CUX1: variants seen among roughly 807,000 people sequenced by gnomAD.
CUX1 encodes protein CASP.
A neutral mutation model predicts 158.8 loss-of-function variants in CUX1; 31 were observed. The observed-to-expected ratio is 0.20, with a 90% confidence interval of 0.15 to 0.26. The LOEUF is 0.26. CUX1 is among the 10% of genes least tolerant of loss of function. The pLI, the probability that CUX1 is intolerant of heterozygous loss-of-function variation, is 1.00. For synonymous variants in CUX1, 879 were observed against 862.1 expected (o/e 1.02, Z -0.34); for missense variants, 1,589 against 2,014.6 (o/e 0.79, Z 4.04).
chr7:102,191,391 C>G (rs1169000217), intron 12 of CUX1, among the ~76,000 whole-genome samples: 1 of 152,086 alleles, frequency 6.6e-6, no homozygotes, highest in Non-Finnish European at 1.5e-5. Flanking sequence ...GAGCCACCAC[C>G]CCGGGCTAAT....
intron 4 of CUX1, among the ~76,000 whole-genome samples, chr7:102,077,823 C>T (rs1352147194): frequency 8.6e-5 from 13 of 151,058 alleles, no homozygotes; most frequent in Admixed American, 4.6e-4. Flanking sequence ...ATGCATAATT[C>T]GTCAGTAATT....
chr7:102,022,663 A>G (rs1230060874), intron 2 of CUX1, among the ~76,000 whole-genome samples: 1 of 152,104 alleles, frequency 6.6e-6, no homozygotes, highest in African/African-American at 2.4e-5. Context: ...ATCCTTCCAC[A>G]TAGAAACCTC....
intron 20 of CUX1, among the ~76,000 whole-genome samples, chr7:102,226,568 GGTCCTGAGACCCA>G (rs1554528655): frequency 1.3e-5 from 2 of 152,148 alleles, no homozygotes; most frequent in Non-Finnish European, 2.9e-5. Context: ...AACCAACCTA[GGTCCTGAGACCCA>G]GTGCTGGAGG....
At chr7:101,834,165 C>CCT (rs1794367060) in intron 1 of CUX1, among the ~76,000 whole-genome samples, 1 of 71,092 alleles carries the variant, frequency 1.4e-5, no homozygotes, top group African/African-American at 5.8e-5. Context: ...CTGATTGTTT[C>CCT]TTTTTTTTTT....
chr7:101,869,642 G>A lies in CUX1; in HGVS notation c.31-46473G>A, dbSNP rs112982901. ...GCCAGCAGGGCGGGAGGAGGCGTTGGTGTGCACACGCGGGGAGCCTCCGTG... is the reference window on the plus strand; with the variant it reads ...GCCAGCAGGGCGGGAGGAGGCGTTGATGTGCACACGCGGGGAGCCTCCGTG... On this transcript the variant is annotated intron_variant, in intron 1 of 23. Transcript: ENST00000292535. The surrounding 1 kb of genome is among the most constrained non-coding windows in gnomAD (Gnocchi z 4.5). Among the ~76,000 whole-genome samples the A allele has an allele frequency of 3.3e-5, 5 of 152,242 alleles. No homozygotes were observed. The highest frequency in any genetic ancestry group is 9.6e-5 in the African/African-American group (4 of 41,540).
chr7:101,926,302 C>G (rs1455737762), intron 2 of CUX1, among the ~76,000 whole-genome samples: 1 of 152,070 alleles, frequency 6.6e-6, no homozygotes, highest in Non-Finnish European at 1.5e-5. Flanking sequence ...TTTATCAACC[C>G]AAGACATTAT....
intron 2 of CUX1, among the ~76,000 whole-genome samples, chr7:102,013,790 G>A (rs1039105141): frequency 6.6e-6 from 1 of 151,982 alleles, no homozygotes; most frequent in East Asian, 1.9e-4. Flanking sequence ...CTGCACCCTC[G>A]ACCTCTCTGG....
At chr7:102,158,393 A>C (rs1790025171) in intron 8 of CUX1, among the ~76,000 whole-genome samples, 167 bp from the exon 9 acceptor site, 1 of 152,098 alleles carries the variant, frequency 6.6e-6, no homozygotes, top group Admixed American at 6.6e-5. Context: ...TGGCATCAGC[A>C]AGCACATCTC....
chr7:101,909,466 C>T (rs1365952301), intron 1 of CUX1, among the ~76,000 whole-genome samples: 1 of 152,254 alleles, frequency 6.6e-6, no homozygotes, highest in Non-Finnish European at 1.5e-5. Context: ...AGCCAGAGAA[C>T]CCTCCATTCA....
At chr7:102,209,910 G>C (rs142745512) in intron 20 of CUX1, among the ~76,000 whole-genome samples, 1 of 151,910 alleles carries the variant, frequency 6.6e-6, no homozygotes, top group Non-Finnish European at 1.5e-5. Context: ...ATAGACAGAC[G>C]GGGACTCACT....
intron 3 of CUX1, among the ~76,000 whole-genome samples, chr7:102,060,002 G>A (rs550152366): frequency 7.2e-5 from 11 of 152,046 alleles, no homozygotes; most frequent in East Asian, 1.9e-4. Flanking sequence ...GGGGCCAGGC[G>A]CAGTGGCTCA....
Position 102,277,949 on chromosome 7 carries a change from GA to G in CUX1, c.1565del (p.Glu522GlyfsTer74). 1 of 1,479,206 alleles carries G rather than the reference GA, an allele frequency of 6.8e-7. No individual in the cohort carries two copies. Among genetic ancestry groups the G allele is most frequent in the Admixed American group, 2.2e-5 (1 of 45,054 alleles). The allele number at this position is 1,479,206 out of a possible 1,614,324, so 91.6% of individuals were successfully genotyped here. On this transcript the variant is annotated frameshift_variant and splice_region_variant, in exon 18 of 23. Coordinates refer to the CUX1 transcript ENST00000292538. LOFTEE classifies it high-confidence loss of function. The stretch of plus-strand genomic sequence containing the variant: ...CCTTTCCTTGCCCCTCCCCCCCCAG[GA>G]GAACCGCCTGGCCCAGCACACCCTC...
rs1243343533 is a variant in CUX1 at position 102,166,410 on chromosome 7, A to G, written c.724-4036A>G. The stretch of plus-strand genomic sequence containing the variant: ...GGGCTCCCAGTGGCCCTGTCTCTGC[A>G]GGGACACAGGAGGAGACGGGAGTCC... On this transcript the variant is annotated intron_variant, in intron 9 of 23. Coordinates refer to ENST00000292535, the MANE Select transcript of CUX1 (RefSeq NM_181552.4). 8.5e-5 allele frequency among the ~76,000 whole-genome samples: 13 copies of G among 152,326 alleles called. No individual in the cohort carries two copies. In the East Asian group the frequency reaches 2.5e-3, roughly 29 times the overall value.
intron 1 of CUX1, among the ~76,000 whole-genome samples, chr7:101,818,032 A>G (rs1433500175): frequency 2.0e-5 from 3 of 152,210 alleles, no homozygotes; most frequent in Non-Finnish European, 4.4e-5. Flanking sequence ...GCTCTTGCCT[A>G]CTAAGAACGA....
intron 1 of CUX1, among the ~76,000 whole-genome samples, chr7:101,821,484 G>A (rs1397611140): frequency 4.6e-5 from 7 of 151,176 alleles, no homozygotes; most frequent in South Asian, 2.1e-4. Flanking sequence ...GACTACAGGC[G>A]CTGGCCACCA....
intron 1 of CUX1, among the ~76,000 whole-genome samples, chr7:101,888,501 C>T (rs13238593): frequency 0.077 from 11,782 of 152,186 alleles, 943 homozygotes; most frequent in East Asian, 0.43. Context: ...ATGTTCATAC[C>T]GCCAGCCTGA....
At chr7:102,269,827 C>CA (rs1791088377) in intron 14 of CUX1, among the ~76,000 whole-genome samples, 1 of 149,290 alleles carries the variant, frequency 6.7e-6, no homozygotes, top group African/African-American at 2.4e-5. Context: ...ATGCCCCCCC[C>CA]AAACGCTTCC....
Position 102,238,455 on chromosome 7 carries a change from G to A in CUX1, c.3623-865G>A, listed in dbSNP as rs1554533657. ...CTCTGTATGGCCTGGTTTTTCCTAG[G>A]TTATGGTTATAGAGCAAGGATTATT... is the stretch of plus-strand genomic sequence containing the variant. On this transcript the variant is annotated intron_variant, in intron 22 of 23. Transcript: ENST00000292535. 2.6e-5 allele frequency among the ~76,000 whole-genome samples: 4 copies of A among 152,256 alleles called. No homozygotes were observed. The South Asian group carries it at 6.2e-4, about 24-fold the overall frequency.
intron 1 of CUX1, among the ~76,000 whole-genome samples, chr7:101,887,843 ATTTTTT>A (rs554136468): frequency 1.3e-5 from 1 of 76,958 alleles, no homozygotes; most frequent in African/African-American, 5.8e-5. Flanking sequence ...TGACGGTGAC[ATTTTTT>A]TTTTTTTTTT....
Sources: gnomAD v4.1 joint callset for allele counts (sites outside exome capture counted in the v4.1 genomes callset) on GRCh38, gnomAD v4.1.1 for gene constraint, Gnocchi (gnomAD v3.1) non-coding constraint, MANE v1.5 for transcripts, NCBI Gene and HGNC (gene_info 2026-07-23, HGNC 2026-07-21) for gene names.